Variants in LY96 observed in about 807,000 individuals in gnomAD.
LY96 encodes the protein lymphocyte antigen 96, also known as myeloid differentiation protein-2.
Under a neutral mutation model 18.9 loss-of-function variants are expected in LY96, and 18 were observed. The observed-to-expected ratio is 0.95, with a 90% CI of 0.66 to 1.41. LY96 has a LOEUF of 1.41. Ranked by LOEUF, LY96 falls within the 40% of genes most tolerant of loss-of-function variation. LY96 has a pLI of 0.00. For synonymous variants in LY96, 66 were observed against 62.6 expected (o/e 1.06, Z -0.26); for missense variants, 175 against 182.4 (o/e 0.96, Z 0.23).
At chr8:74,062,231 T>C in the LY96 span, among the ~76,000 whole-genome samples, 26 of 152,338 alleles carry the variant, frequency 1.7e-4, no homozygotes, top group Admixed American at 1.2e-3. Context: ...GTATCTTTTT[T>C]TTCCTGCTAA....
chr8:74,078,762 C>G, the LY96 span, among the ~76,000 whole-genome samples: 1 of 152,184 alleles, frequency 6.6e-6, no homozygotes, highest in Admixed American at 6.5e-5. Flanking sequence ...CTGCTGATGA[C>G]ACTCTTGCCT....
chr8:73,996,372 C>CCTTTCTTTCCTTCTTTCTTT lies in LY96; in HGVS notation c.112+4827_112+4828insCTTCTTTCTTTCTTTCTTTC, dbSNP rs1816136074. Among the ~76,000 whole-genome samples, 4 of 110,910 alleles carry CCTTTCTTTCCTTCTTTCTTT rather than the reference C, an allele frequency of 3.6e-5. No individual in the cohort carries two copies. In the South Asian group the frequency reaches 1.2e-3, roughly 34 times the overall value. 72.8% of individuals were successfully genotyped at this position (110,910 alleles called of 152,430 possible). A position where few individuals can be genotyped will look rare whatever the true frequency, so the allele number is the denominator to read the frequency against. ...TCCTTCCTTCCTTCCTTCCTTCATTCCTTTCTTTCTTTCTTTCTTTCTTTC... is the reference window on the plus strand; with the variant it reads ...TCCTTCCTTCCTTCCTTCCTTCATTCCTTTCTTTCCTTCTTTCTTTCTTTCTTTCTTTCTTTCTTTCTTTC... On this transcript the variant is annotated intron_variant, in intron 1 of 4. Coordinates refer to ENST00000284818, the MANE Select transcript of LY96 (RefSeq NM_015364.5).
the LY96 span, among the ~76,000 whole-genome samples, chr8:74,059,484 C>G: frequency 6.6e-6 from 1 of 152,118 alleles, no homozygotes; most frequent in Non-Finnish European, 1.5e-5. Flanking sequence ...AACTGTACTA[C>G]TGACACAGAA....
intron 3 of LY96, among the ~76,000 whole-genome samples, chr8:74,021,935 G>A (rs1332388591): frequency 6.6e-6 from 1 of 152,008 alleles, no homozygotes. Flanking sequence ...GTGGGGGGCT[G>A]GGGGAGGGAT....
At chr8:73,992,153 CTT>C (rs1050156322) in intron 1 of LY96, among the ~76,000 whole-genome samples, 1 of 152,082 alleles carries the variant, frequency 6.6e-6, no homozygotes, top group African/African-American at 2.4e-5. Context: ...CAATAATACT[CTT>C]AATTTTTTTT....
the LY96 span, among the ~76,000 whole-genome samples, chr8:74,088,412 A>C: frequency 6.6e-6 from 1 of 152,038 alleles, no homozygotes; most frequent in Non-Finnish European, 1.5e-5. Context: ...AGCAGTTGCT[A>C]AGTCTTCTGA....
intron 2 of LY96, among the ~76,000 whole-genome samples, chr8:74,005,900 T>C (rs1816398887): frequency 6.6e-6 from 1 of 152,244 alleles, no homozygotes; most frequent in African/African-American, 2.4e-5. Flanking sequence ...ATTTGGAGCT[T>C]GTTTTAGATT....
At chr8:74,060,234 A>G in the LY96 span, among the ~76,000 whole-genome samples, 5,932 of 152,326 alleles carry the variant, frequency 0.039, 285 homozygotes, top group African/African-American at 0.1. Flanking sequence ...ATTAACAAAG[A>G]TAAAAGTTAA....
the LY96 span, among the ~76,000 whole-genome samples, chr8:74,076,936 T>C: frequency 4.6e-5 from 7 of 152,192 alleles, no homozygotes; most frequent in Admixed American, 4.6e-4. Context: ...ATCGCATGTC[T>C]GGGGCTCTTG....
the LY96 span, among the ~76,000 whole-genome samples, chr8:74,090,731 A>C: frequency 6.6e-6 from 1 of 152,236 alleles, no homozygotes; most frequent in Non-Finnish European, 1.5e-5. Flanking sequence ...TGTTAAATGC[A>C]GTCTTAGCTG....
chr8:74,033,865 A>G (rs1817008027), downstream of LY96, among the ~76,000 whole-genome samples: 4 of 152,040 alleles, frequency 2.6e-5, no homozygotes, highest in Admixed American at 1.3e-4. Flanking sequence ...TAAGTGTAGT[A>G]AGATTCGTTT....
chr8:74,093,564 T>C, the LY96 span, among the ~76,000 whole-genome samples: 2 of 152,198 alleles, frequency 1.3e-5, no homozygotes, highest in Non-Finnish European at 2.9e-5. Flanking sequence ...AGTTCTTCAG[T>C]TTCCAGGATC....
chr8:74,001,631 CA>C (rs1271206926), intron 1 of LY96, among the ~76,000 whole-genome samples: 1 of 151,890 alleles, frequency 6.6e-6, no homozygotes, highest in African/African-American at 2.4e-5. Flanking sequence ...GCAGGAAGAT[CA>C]CTTGAGTCCA....
At chr8:74,078,944 T>C in the LY96 span, among the ~76,000 whole-genome samples, 1 of 152,214 alleles carries the variant, frequency 6.6e-6, no homozygotes, top group Non-Finnish European at 1.5e-5. Context: ...ATCTGCTCAT[T>C]TGTAGTGGCT....
the LY96 span, among the ~76,000 whole-genome samples, chr8:74,064,043 A>G: frequency 6.6e-6 from 1 of 152,242 alleles, no homozygotes; most frequent in Non-Finnish European, 1.5e-5. Flanking sequence ...ATTCTTGCAC[A>G]GGTGCATAAG....
chr8:74,011,466 A>G (rs1053742569), intron 3 of LY96, among the ~76,000 whole-genome samples: 2 of 152,248 alleles, frequency 1.3e-5, no homozygotes, highest in African/African-American at 4.8e-5. Context: ...ATATGAGAAA[A>G]AATTCGCAAA....
the LY96 span, among the ~76,000 whole-genome samples, chr8:74,061,380 G>T: frequency 9.2e-5 from 14 of 152,328 alleles, no homozygotes; most frequent in African/African-American, 2.9e-4. Flanking sequence ...CAGAAAGAGG[G>T]CTGTCACCAG....
chr8:74,085,006 C>T, the LY96 span, among the ~76,000 whole-genome samples: 4 of 152,280 alleles, frequency 2.6e-5, no homozygotes, highest in East Asian at 1.9e-4. Flanking sequence ...TAACAGGTTA[C>T]GGTGTGATTA....
At chr8:74,083,065 C>A in the LY96 span, among the ~76,000 whole-genome samples, 3 of 151,986 alleles carry the variant, frequency 2.0e-5, no homozygotes, top group Non-Finnish European at 2.9e-5. Flanking sequence ...CGTCCCCCTG[C>A]TGGATTAATT....
Sources: gnomAD v4.1 joint callset for allele counts (sites outside exome capture counted in the v4.1 genomes callset) on GRCh38, gnomAD v4.1.1 for gene constraint, MANE v1.5 for transcripts, NCBI Gene and HGNC (gene_info 2026-07-23, HGNC 2026-07-21) for gene names.